The following SBF1 variants were observed in gnomAD, a reference collection of about 807,000 sequenced individuals.
The protein encoded by SBF1 is myotubularin-related protein 5.
SBF1 carries 65 observed loss-of-function variants against 215.8 expected under a neutral mutation model. That is an observed-to-expected ratio of 0.30 (90% CI 0.25 to 0.37). The LOEUF (loss-of-function observed/expected upper bound fraction) is 0.37. SBF1 is among the 10% of genes least tolerant of loss of function. The pLI is 1.00. For synonymous variants in SBF1, 1,410 were observed against 1,122.8 expected (o/e 1.26, Z -5.11); for missense variants, 2,634 against 2,667.8 (o/e 0.99, Z 0.28).
chr22:50,455,435 G>A (rs752635079), intron 32 of SBF1, 26 bp from the exon 33 acceptor site: 68 of 1,612,162 alleles, frequency 4.2e-5, no homozygotes, highest in African/African-American at 1.1e-4. Context: ...GGAGGTCAGC[G>A]AGGAGCCCGG....
intron 38 of SBF1, 122 bp from the exon 39 acceptor site, chr22:50,447,731 G>T: frequency 1.4e-6 from 1 of 703,566 alleles, no homozygotes; most frequent in Non-Finnish European, 2.4e-6. Flanking sequence ...CCTGTCCCCA[G>T]AACTGACCTA....
chr22:50,470,521 T>A (rs2067959209), intron 1 of SBF1, among the ~76,000 whole-genome samples: 1 of 152,014 alleles, frequency 6.6e-6, no homozygotes, highest in African/African-American at 2.4e-5. Context: ...CAGGCACCTC[T>A]CCCTGAGCTC....
At chr22:50,448,796 G>A in intron 36 of SBF1, 146 bp from the exon 37 acceptor site, 1 of 630,702 alleles carries the variant, frequency 1.6e-6, no homozygotes. Flanking sequence ...GCAAGAGGGA[G>A]GGAAGGAATA....
chr22:50,461,670 C>T lies in SBF1; in HGVS notation c.2692G>A (p.Asp898Asn), dbSNP rs964999447. The change falls in exon 22 of 41, where the codon GAC becomes AAC. Residue 898 changes from aspartate to asparagine, a missense_variant. Coordinates refer to ENST00000380817, the MANE Select transcript of SBF1 (RefSeq NM_002972.4). ...RLLPGEECVLDGLRVYLLPDG... is the reference protein window; with the variant it reads ...RLLPGEECVLNGLRVYLLPDG... ...GGCAGCAGGTAGACGCGCAGGCCGTCCAGCACACACTCCTCACCCGGCAGC... is the reference window on the plus strand; with the variant it reads ...GGCAGCAGGTAGACGCGCAGGCCGTTCAGCACACACTCCTCACCCGGCAGC... 1.2e-6 allele frequency: 2 copies of T among 1,610,506 alleles called. No homozygotes were observed. The highest frequency in any genetic ancestry group is 3.3e-5 in the Admixed American group (2 of 59,988).
rs1333817603 is a variant in SBF1, at chr22:50,464,983, G to A, written c.1332+18C>T. On this transcript the variant is annotated intron_variant, in intron 12 of 40. Coordinates refer to ENST00000380817, the MANE Select transcript of SBF1 (RefSeq NM_002972.4). ...CGGAGCCAGGGCAGGGGGCTGGGAGGGCAGGGTGGAGGTGCACCTCATCGA... is the reference window on the plus strand; with the variant it reads ...CGGAGCCAGGGCAGGGGGCTGGGAGAGCAGGGTGGAGGTGCACCTCATCGA... 6.2e-7 allele frequency: 1 copy of A among 1,613,794 alleles called. No individual in the cohort carries two copies. Among genetic ancestry groups the A allele is most frequent in the Non-Finnish European group, 8.5e-7 (1 of 1,179,960 alleles).
Position 50,467,344 on chromosome 22 carries a change from G to A in SBF1, c.543C>T (p.Gly181=). 1.2e-6 allele frequency: 2 copies of A among 1,613,832 alleles called. No homozygotes were observed. Among genetic ancestry groups the A allele is most frequent in the East Asian group, 2.2e-5 (1 of 44,884 alleles). ...LLTCTVPLAG[G]SQRTISLGAG... ...AGCTGCCTCCAAAACTCACCTGCGA[G>A]CCCCCAGCCAGGGGCACAGTGCACG... Residue 181 remains glycine, a synonymous_variant, in exon 5 of 41, where the codon GGC becomes GGT. Transcript: ENST00000380817.
Position 50,463,405 on chromosome 22 carries a change from T to G in SBF1, c.1777A>C (p.Lys593Gln). The G allele has an allele frequency of 6.3e-7, 1 of 1,584,682 alleles. No homozygotes were observed. Among genetic ancestry groups the G allele is most frequent in the Non-Finnish European group, 8.6e-7 (1 of 1,164,378 alleles). The change falls in exon 16 of 41, where the codon AAG becomes CAG. Residue 593 changes from lysine (K) to glutamine (Q), a missense_variant. Coordinates refer to ENST00000380817, the MANE Select transcript of SBF1 (RefSeq NM_002972.4). ...KLLPAVLRAL[K>Q]GRAARRCLAQ... is the part of the protein sequence containing the mutation. ...AGGCAGCGGCGGGCAGCTCGCCCCT[T>G]CAGGGCCCTCAACACGGCTGGGAGC...
At chr22:50,448,018 G>A (rs1050994246) in intron 38 of SBF1, among the ~76,000 whole-genome samples, 1 of 152,188 alleles carries the variant, frequency 6.6e-6, no homozygotes, top group African/African-American at 2.4e-5. Flanking sequence ...AGACTCACGG[G>A]GGCCCCACCA....
rs761869976 is a variant in SBF1 at position 50,466,262 on chromosome 22, T to A, written c.789-4A>T. ...CAGGATGGGCACATAGGTGAAGCTGTGCAGGCCCCAGAGGATGCAGTGAGC... is the reference window on the plus strand; with the variant it reads ...CAGGATGGGCACATAGGTGAAGCTGAGCAGGCCCCAGAGGATGCAGTGAGC... On this transcript the variant is annotated splice_polypyrimidine_tract_variant and splice_region_variant and intron_variant, in intron 7 of 40. Transcript: ENST00000380817. 6.8e-6 allele frequency: 11 copies of A among 1,613,248 alleles called. No homozygotes were observed. The highest frequency in any genetic ancestry group is 9.3e-6 in the Non-Finnish European group (11 of 1,179,962).
In SBF1 at chr22:50,445,569, C is replaced by T. The variant is rs143644134; in HGVS notation, c.*1573G>A. The T allele has an allele frequency of 8.5e-5, 13 of 152,480 alleles. No individual in the cohort carries two copies. Among genetic ancestry groups the T allele is most frequent in the African/African-American group, 3.1e-4 (13 of 41,592 alleles). 9.4% of individuals were successfully genotyped at this position (152,480 alleles called of 1,614,324 possible). On this transcript the variant is annotated 3_prime_UTR_variant, in exon 41 of 41. Coordinates refer to ENST00000380817, the MANE Select transcript of SBF1 (RefSeq NM_002972.4). ...GTGCCTGGCATTTGTCCTCTCCCCCCACAGACGTGGAACAGGGAGGGCAGG... is the reference window on the plus strand; with the variant it reads ...GTGCCTGGCATTTGTCCTCTCCCCCTACAGACGTGGAACAGGGAGGGCAGG...
intron 1 of SBF1, among the ~76,000 whole-genome samples, chr22:50,468,892 G>A (rs1230490333): frequency 6.6e-6 from 1 of 152,064 alleles, no homozygotes; most frequent in Non-Finnish European, 1.5e-5. Context: ...CCCAGCCGGG[G>A]GTGTGGAGGA....
At chr22:50,457,252 G>C (rs571398840) in intron 28 of SBF1, 141 bp from the exon 29 acceptor site, 3 of 609,832 alleles carry the variant, frequency 4.9e-6, no homozygotes, top group Middle Eastern at 7.1e-4. Context: ...GTCCCTGATC[G>C]CAGGAAAGTG....
At chr22:50,455,998 T>TG (rs2067230834) in intron 31 of SBF1, 1 of 587,560 alleles carries the variant, frequency 1.7e-6, no homozygotes, top group African/African-American at 1.9e-5. Flanking sequence ...GACATACCCA[T>TG]GCCCAAGCCC....
At position 50,447,377 on chromosome 22, in the gene SBF1, G is replaced by A; in HGVS notation, c.5528C>T (p.Pro1843Leu). 1 of 1,613,996 alleles carries A rather than the reference G, an allele frequency of 6.2e-7. No homozygotes were observed. Among genetic ancestry groups the A allele is most frequent in the Non-Finnish European group, 8.5e-7 (1 of 1,179,934 alleles). ...IDLAEVEAVA[P>L]GTPTMGAPKT... Reference sequence around the variant, plus strand: ...AGGGGCACCCATAGTGGGCGTGCCAGGTGCCACAGCCTCCACCTCCGCCAA... The same window carrying A: ...AGGGGCACCCATAGTGGGCGTGCCAAGTGCCACAGCCTCCACCTCCGCCAA... Residue 1843 changes from proline (P) to leucine (L), a missense_variant, in exon 40 of 41, where the codon CCT (proline) becomes CTT (leucine). Coordinates refer to ENST00000380817, the MANE Select transcript of SBF1 (RefSeq NM_002972.4).
rs1343158426 is a variant in SBF1, at chr22:50,466,499, A to C, written c.656-17T>G. 6.5e-7 allele frequency: 1 copy of C among 1,537,826 alleles called. No individual in the cohort carries two copies. Among genetic ancestry groups the C allele is most frequent in the Non-Finnish European group, 8.8e-7 (1 of 1,137,746 alleles). On this transcript the variant is annotated splice_polypyrimidine_tract_variant and intron_variant, in intron 6 of 40. Transcript: ENST00000380817. ...TGGTGATGCCTAAAGGAAGAAGAGAAGCTTGGAGAGGACCCTGGGCCCCCA... is the reference window on the plus strand; with the variant it reads ...TGGTGATGCCTAAAGGAAGAAGAGACGCTTGGAGAGGACCCTGGGCCCCCA...
Position 50,447,044 on chromosome 22 carries a change from GTCGAGGGCC to G in SBF1, c.*89_*97del. 1 of 1,106,960 alleles carries G rather than the reference GTCGAGGGCC, an allele frequency of 9.0e-7. No homozygotes were observed. The highest frequency in any genetic ancestry group is 1.3e-6 in the Non-Finnish European group (1 of 754,802). The allele number at this position is 1,106,960 out of a possible 1,614,324, so 68.6% of individuals were successfully genotyped here. ...GCTGGGGGCTCGGGGCCTCAATACT[GTCGAGGGCC>G]GGGGCTGTAAACATGGCCGGGGCGG... On this transcript the variant is annotated 3_prime_UTR_variant, in exon 41 of 41. Coordinates refer to ENST00000380817, the MANE Select transcript of SBF1 (RefSeq NM_002972.4).
rs748897740 is a variant in SBF1, at chr22:50,455,268, C to T, written c.4510G>A (p.Gly1504Ser). The T allele has an allele frequency of 2.5e-5, 40 of 1,613,320 alleles. No homozygotes were observed. In the Admixed American group the frequency reaches 3.7e-4, roughly 15 times the overall value. The part of the protein sequence containing the change: ...GAHTLAGQSS[G>S]FTPVFLQFLD... ...AACTGCAGGAAGACGGGTGTGAAGC[C>T]GCTGCTCTGCCCGGCCAGGGTGTGA... Residue 1504 changes from glycine (G) to serine (S), a missense_variant, in exon 33 of 41, where the codon GGC becomes AGC. Transcript: ENST00000380817.
intron 38 of SBF1, 45 bp from the exon 39 acceptor site, chr22:50,447,654 A>G (rs764734713): frequency 4.3e-6 from 6 of 1,403,804 alleles, no homozygotes; most frequent in South Asian, 1.2e-5. Flanking sequence ...GTCATGGCCC[A>G]GCCAAGCCCA....
chr22:50,455,879 G>A (rs1603431307), intron 31 of SBF1: 1 of 567,042 alleles, frequency 1.8e-6, no homozygotes, highest in Non-Finnish European at 3.1e-6. Flanking sequence ...TGTTTACCAA[G>A]CCAGCATCCT....
Sources: gnomAD v4.1 joint callset for allele counts (sites outside exome capture counted in the v4.1 genomes callset) on GRCh38, gnomAD v4.1.1 for gene constraint, MANE v1.5 for transcripts, NCBI Gene and HGNC (gene_info 2026-07-23, HGNC 2026-07-21) for gene names.